The following CSMD3 variants were observed in gnomAD, a reference collection of about 807,000 sequenced individuals.
CSMD3 encodes the protein CUB and sushi domain-containing protein 3.
CSMD3 carries 177 observed loss-of-function variants against 435.2 expected under a neutral mutation model. The ratio of observed to expected loss-of-function variants is 0.41; its 90% CI spans 0.36 to 0.46. CSMD3 has a LOEUF of 0.46. Ranked by LOEUF, CSMD3 falls within the 20% of genes least tolerant of loss-of-function variation. The pLI is 0.34. For synonymous variants in CSMD3, 1,656 were observed against 1,520.5 expected, an observed-to-expected ratio of 1.09 and a Z score of -2.07; for missense variants, 4,265 against 4,504.6, an observed-to-expected ratio of 0.95 and a Z score of 1.52.
intron 11 of CSMD3, among the ~76,000 whole-genome samples, chr8:112,844,326 G>A (rs1038025528): frequency 9.9e-5 from 15 of 151,856 alleles, no homozygotes; most frequent in Non-Finnish European, 1.5e-4. Context: ...GTGTAACAGA[G>A]GTTGTCATAT....
chr8:112,859,401 T>C, intron 10 of CSMD3, 135 bp from the exon 11 acceptor site: 1 of 749,832 alleles, frequency 1.3e-6, no homozygotes, highest in Non-Finnish European at 2.3e-6. Flanking sequence ...TATGGTATTC[T>C]AATGTCACTT....
intron 3 of CSMD3, among the ~76,000 whole-genome samples, chr8:113,255,725 AG>A (rs1347249498): frequency 1.3e-5 from 2 of 152,144 alleles, no homozygotes; most frequent in Non-Finnish European, 2.9e-5. Flanking sequence ...GAAACTACTT[AG>A]ATTTTGAATC....
At chr8:112,344,781 A>G (rs1825503961) in intron 41 of CSMD3, among the ~76,000 whole-genome samples, 1 of 152,178 alleles carries the variant, frequency 6.6e-6, no homozygotes, top group Non-Finnish European at 1.5e-5. Context: ...GTAATGTATC[A>G]AAAATATTGG....
intron 1 of CSMD3, among the ~76,000 whole-genome samples, chr8:113,401,757 G>A (rs2094511100): frequency 6.6e-6 from 1 of 151,448 alleles, no homozygotes; most frequent in South Asian, 2.1e-4. Context: ...ATATATACCT[G>A]TAGTCACATG....
At chr8:113,147,680 G>A (rs1008735079) in intron 4 of CSMD3, among the ~76,000 whole-genome samples, 1 of 151,520 alleles carries the variant, frequency 6.6e-6, no homozygotes, top group Non-Finnish European at 1.5e-5. Flanking sequence ...GGAGGGGAGA[G>A]GGTTGTGTTT....
chr8:113,343,356 A>C (rs953072186), intron 1 of CSMD3, among the ~76,000 whole-genome samples: 2 of 152,192 alleles, frequency 1.3e-5, no homozygotes. Context: ...GATGGACTTT[A>C]TATCAGATTG....
chr8:113,358,483 G>A (rs1320085863), intron 1 of CSMD3, among the ~76,000 whole-genome samples: 4 of 152,120 alleles, frequency 2.6e-5, no homozygotes, highest in Non-Finnish European at 5.9e-5. Flanking sequence ...CTCCCAAGTA[G>A]CTGGGATTAC....
chr8:112,452,497 A>C (rs1222013282), intron 32 of CSMD3, among the ~76,000 whole-genome samples: 8 of 152,206 alleles, frequency 5.3e-5, no homozygotes, highest in Non-Finnish European at 1.0e-4. Flanking sequence ...TCTGTGATTA[A>C]GTTTCTTTAA....
intron 45 of CSMD3, among the ~76,000 whole-genome samples, chr8:112,326,786 G>A (rs913661177): frequency 6.6e-6 from 1 of 152,172 alleles, no homozygotes; most frequent in Non-Finnish European, 1.5e-5. Flanking sequence ...GATGTGAGGA[G>A]AGCAGACCAC....
intron 10 of CSMD3, among the ~76,000 whole-genome samples, chr8:112,873,247 C>G (rs1386926305): frequency 6.6e-6 from 1 of 151,974 alleles, no homozygotes; most frequent in Non-Finnish European, 1.5e-5. Context: ...AAGTCTCCAC[C>G]TAATGGCACA....
intron 5 of CSMD3, among the ~76,000 whole-genome samples, chr8:113,054,349 C>T (rs1341181703): frequency 6.6e-6 from 1 of 152,022 alleles, no homozygotes; most frequent in Non-Finnish European, 1.5e-5. Flanking sequence ...ACAAGTACGT[C>T]GACACTCAAA....
chr8:113,220,321 A>G (rs2092952071), intron 3 of CSMD3, among the ~76,000 whole-genome samples: 1 of 151,378 alleles, frequency 6.6e-6, no homozygotes, highest in Non-Finnish European at 1.5e-5. Context: ...TTCTAGAACT[A>G]GGACAGGCCA....
chr8:113,273,723 C>A (rs1168219677), intron 3 of CSMD3, among the ~76,000 whole-genome samples: 2 of 152,086 alleles, frequency 1.3e-5, no homozygotes, highest in Non-Finnish European at 2.9e-5. Flanking sequence ...ATATAGCCTA[C>A]CCTGATTTAA....
chr8:112,899,567 A>C (rs1311913015), intron 10 of CSMD3, among the ~76,000 whole-genome samples: 1 of 140,956 alleles, frequency 7.1e-6, no homozygotes, highest in East Asian at 2.0e-4. Flanking sequence ...AGGTATCTAT[A>C]CCAACCTAAC....
chr8:113,392,018 C>T (rs2094463175), intron 1 of CSMD3, among the ~76,000 whole-genome samples: 1 of 151,840 alleles, frequency 6.6e-6, no homozygotes, highest in Non-Finnish European at 1.5e-5. Flanking sequence ...TAATTTGACC[C>T]TTATAGTAGA....
chr8:112,517,111 A>G lies in CSMD3; in HGVS notation c.4679T>C (p.Leu1560Pro). The G allele has an allele frequency of 6.2e-7, 1 of 1,613,838 alleles. No individual in the cohort carries two copies. Among genetic ancestry groups the G allele is most frequent in the African/African-American group, 1.3e-5 (1 of 74,986 alleles). Residue 1560 changes from leucine to proline, a missense_variant, in exon 28 of 71, where the codon CTT (leucine) becomes CCT (proline). Leu to Pro is a moderately conservative substitution (Grantham distance 98). This residue lies in a region of CSMD3 where 3,255 missense variants were observed against 3,380.2 expected (regional missense o/e 0.96). Transcript: ENST00000297405. ...VVFQCDPGYE[L>P]QGEERITCIQ... ...GCAGGTTATTCTTTCCTCTCCTTGAAGTTCATATCCTGGGTCACATTGAAA... is the reference window on the plus strand; with the variant it reads ...GCAGGTTATTCTTTCCTCTCCTTGAGGTTCATATCCTGGGTCACATTGAAA...
Position 113,436,790 on chromosome 8 carries a change from CG to C in CSMD3, c.64del (p.Arg22GlufsTer9). ...TAGGCGGCCACATTTAGCGCATCTTCGCTTGCCAGGCTCCCAGGGTTTGGAT... is the reference window on the plus strand; with the variant it reads ...TAGGCGGCCACATTTAGCGCATCTTCCTTGCCAGGCTCCCAGGGTTTGGAT... ...KESKPWEPGK[R>X]RCAKCGRLDF... On this transcript the variant is annotated frameshift_variant, in exon 1 of 71. Transcript: ENST00000297405. LOFTEE classifies it high-confidence loss of function. 1 of 1,614,196 alleles carries C rather than the reference CG, an allele frequency of 6.2e-7. No homozygotes were observed. Among genetic ancestry groups the C allele is most frequent in the Non-Finnish European group, 8.5e-7 (1 of 1,180,048 alleles).
chr8:112,576,079 A>C (rs941596569), intron 23 of CSMD3, among the ~76,000 whole-genome samples: 7 of 152,084 alleles, frequency 4.6e-5, no homozygotes, highest in African/African-American at 1.7e-4. Context: ...TGTTTCTTGG[A>C]TAAAACTATT....
chr8:112,465,231 A>G (rs964523092), intron 32 of CSMD3, among the ~76,000 whole-genome samples: 3 of 152,132 alleles, frequency 2.0e-5, no homozygotes, highest in Admixed American at 6.5e-5. Context: ...TGCAACTTTC[A>G]TTCTGTCGTC....
Sources: allele counts gnomAD v4.1 joint callset (sites outside exome capture counted in the v4.1 genomes callset), GRCh38; gene constraint gnomAD v4.1.1; regional missense constraint gnomAD v4.1.1; transcripts MANE v1.5; gene names NCBI Gene and HGNC (gene_info 2026-07-23, HGNC 2026-07-21).